DNAH2: variants seen among roughly 807,000 people sequenced by gnomAD.
DNAH2 encodes the protein dynein axonemal heavy chain 2.
Under a neutral mutation model 523.5 loss-of-function variants are expected in DNAH2, and 323 were observed. The observed-to-expected ratio is 0.62, with a 90% confidence interval of 0.56 to 0.68. The LOEUF is 0.68. Among genes scored for constraint, DNAH2 ranks in the 30% least tolerant of loss-of-function variants. The pLI is 0.00. For missense variants in DNAH2, 4,907 were observed against 5,701.5 expected (o/e 0.86, Z 4.49); for synonymous variants, 2,093 against 2,177.4 (o/e 0.96, Z 1.08).
At chr17:7,804,828 A>G in intron 59 of DNAH2, 130 bp from the exon 60 acceptor site, 2 of 759,582 alleles carry the variant, frequency 2.6e-6, no homozygotes, top group East Asian at 2.6e-5. Context: ...CCTGGGCGAA[A>G]GAGCTAGACT....
intron 45 of DNAH2, 90 bp downstream of exon 45, chr17:7,792,159 C>G (rs73977762): frequency 3.1e-6 from 5 of 1,599,778 alleles, no homozygotes; most frequent in Non-Finnish European, 4.3e-6. Context: ...GTTTCCCTCT[C>G]TCTTTCTTCC....
Position 7,760,930 on chromosome 17 carries a change from C to A in DNAH2, c.2976C>A (p.Ala992=). The change falls in exon 18 of 86, where the codon GCC becomes GCA. Residue 992 remains alanine (A), a splice_region_variant and synonymous_variant. Transcript: ENST00000572933. This position sits in a 1 kb window ranked among gnomAD's most constrained non-coding sequence, Gnocchi z 4.0. ...TCTCTTCTTTTGTTGCCGACATTGCCCGGTGAGTGGTGAGGGTGGATTGAA... is the reference window on the plus strand; with the variant it reads ...TCTCTTCTTTTGTTGCCGACATTGCACGGTGAGTGGTGAGGGTGGATTGAA... The part of the protein sequence containing the change: ...PPVSSFVADI[A]RYTEVANNVQ... 1 of 1,613,778 alleles carries A rather than the reference C, an allele frequency of 6.2e-7. No homozygotes were observed. The highest frequency in any genetic ancestry group is 8.5e-7 in the Non-Finnish European group (1 of 1,179,848).
chr17:7,788,410 G>A (rs1052872040), intron 44 of DNAH2, among the ~76,000 whole-genome samples, 166 bp downstream of exon 44: 2 of 152,200 alleles, frequency 1.3e-5, no homozygotes, highest in African/African-American at 4.8e-5. Flanking sequence ...AGGGGTGTGT[G>A]TGTGCATGTC....
At position 7,775,893 on chromosome 17, in the gene DNAH2, C is replaced by T. The variant is rs2076438445; in HGVS notation, c.4822-131C>T. 5 of 1,239,594 alleles carry T rather than the reference C, an allele frequency of 4.0e-6. No individual in the cohort carries two copies. The African/African-American group carries it at 4.5e-5, about 11-fold the overall frequency. The allele number at this position is 1,239,594 out of a possible 1,614,324, so 76.8% of individuals were successfully genotyped here. A position where few individuals can be genotyped will look rare whatever the true frequency, so the allele number is the denominator to read the frequency against. ...CTCCATTTCTCTCAGGAACGCAAGC[C>T]AGCTGTTGGCCATTCCCGCTTTTCT... is the stretch of plus-strand genomic sequence containing the variant. On this transcript the variant is annotated intron_variant, in intron 30 of 85. Transcript: ENST00000572933.
intron 39 of DNAH2, among the ~76,000 whole-genome samples, chr17:7,785,409 A>AT (rs2076708897): frequency 6.6e-6 from 1 of 152,154 alleles, no homozygotes; most frequent in African/African-American, 2.4e-5. Context: ...GGCTGAGAAT[A>AT]TTTTTTAACT....
rs919596556 is a variant in DNAH2, at chr17:7,798,020, C to T, written c.8231-137C>T. 13 of 1,374,288 alleles carry T rather than the reference C, an allele frequency of 9.5e-6. No homozygotes were observed. The highest frequency in any genetic ancestry group is 4.6e-5 in the Admixed American group (2 of 43,662). 85.1% of individuals were successfully genotyped at this position (1,374,288 alleles called of 1,614,324 possible). On this transcript the variant is annotated intron_variant, in intron 53 of 85. Transcript: ENST00000572933. The surrounding 1 kb of genome is among the most constrained non-coding windows in gnomAD (Gnocchi z 5.5). Reference sequence around the variant, plus strand: ...GTTAAAAGTTGAATTGCCTCCTGGGCCTTGGGCACCAACTTCTTCTCATAC... The same window carrying T: ...GTTAAAAGTTGAATTGCCTCCTGGGTCTTGGGCACCAACTTCTTCTCATAC...
chr17:7,740,560 C>T lies in DNAH2; in HGVS notation c.1506+11C>T, dbSNP rs767933647. On this transcript the variant is annotated intron_variant, in intron 10 of 85. Transcript: ENST00000572933. ...CTTGCCTCCCGCGAGGTGCGGCTGC[C>T]CCGCGGCTTCCTCGGCTTCCCGTCC... is the stretch of plus-strand genomic sequence containing the variant. 2 of 1,612,010 alleles carry T rather than the reference C, an allele frequency of 1.2e-6. No homozygotes were observed. Among genetic ancestry groups the T allele is most frequent in the Admixed American group, 1.7e-5 (1 of 59,984 alleles).
intron 12 of DNAH2, among the ~76,000 whole-genome samples, chr17:7,753,285 C>T (rs919200060): frequency 6.6e-6 from 1 of 151,928 alleles, no homozygotes; most frequent in African/African-American, 2.4e-5. Flanking sequence ...GTTTGAGGTG[C>T]TTGTGCACGA....
chr17:7,812,258 A>C (rs1040709650), intron 63 of DNAH2, among the ~76,000 whole-genome samples: 1 of 152,192 alleles, frequency 6.6e-6, no homozygotes, highest in African/African-American at 2.4e-5. Flanking sequence ...ATATGTATAC[A>C]TTCTTTTCTT....
intron 4 of DNAH2, among the ~76,000 whole-genome samples, chr17:7,729,858 C>T (rs2074934783): frequency 2.6e-5 from 4 of 152,334 alleles, no homozygotes; most frequent in Admixed American, 2.0e-4. Flanking sequence ...AACCCTTTCA[C>T]TTTAACTTCC....
chr17:7,725,425 A>AATATATATATATATATATATATATAT (rs71387992), intron 3 of DNAH2, among the ~76,000 whole-genome samples: 1,867 of 124,142 alleles, frequency 0.015, 37 homozygotes, highest in African/African-American at 0.021. Flanking sequence ...ACTTCAAGTG[A>AATATATATATATATATATATATATAT]ATATATATAT....
In DNAH2 at chr17:7,779,353, C is replaced by T. The variant is rs916550481; in HGVS notation, c.5652C>T (p.Thr1884=). The stretch of plus-strand genomic sequence containing the variant: ...TGTCTGCCCTGGCTGCCGGCCTCAC[C>T]CATTTCCATTTTGATGGCTTTGAAA... ...CILSALAAGL[T]HFHFDGFEIN... Residue 1884 remains threonine, a synonymous_variant, in exon 36 of 86, where the codon ACC becomes ACT. Coordinates refer to ENST00000572933, the MANE Select transcript of DNAH2 (RefSeq NM_020877.5). The T allele has an allele frequency of 6.2e-7, 1 of 1,614,098 alleles. No individual in the cohort carries two copies. Among genetic ancestry groups the T allele is most frequent in the South Asian group, 1.1e-5 (1 of 91,064 alleles).
At position 7,804,977 on chromosome 17, in the gene DNAH2, A is replaced by T; in HGVS notation, c.9203A>T (p.Glu3068Val). The part of the protein sequence containing the change: ...EQQKAVTANS[E>V]KIAVEEIKCQ... ...CCCTAGGCCGTAACAGCCAACAGTG[A>T]AAAGATTGCAGTTGAGGAAATCAAG... is the stretch of plus-strand genomic sequence containing the variant. The change falls in exon 60 of 86, where the codon GAA becomes GTA. Residue 3068 changes from glutamate (E) to valine (V), a missense_variant. Physicochemically the swap from Glu to Val is moderately radical, Grantham distance 121. Transcript: ENST00000572933. The T allele has an allele frequency of 6.2e-7, 1 of 1,614,200 alleles. No homozygotes were observed. Among genetic ancestry groups the T allele is most frequent in the Non-Finnish European group, 8.5e-7 (1 of 1,180,028 alleles).
At position 7,807,876 on chromosome 17, in the gene DNAH2, G is replaced by A. The variant is rs1160330984; in HGVS notation, c.9729+290G>A. ...CTCTGTCACACCCTTCGGAGATGGCGCCTGAGATATTAACTGATGACATCT... is the reference window on the plus strand; with the variant it reads ...CTCTGTCACACCCTTCGGAGATGGCACCTGAGATATTAACTGATGACATCT... On this transcript the variant is annotated intron_variant, in intron 63 of 85. Coordinates refer to ENST00000572933, the MANE Select transcript of DNAH2 (RefSeq NM_020877.5). This position sits in a 1 kb window ranked among gnomAD's most constrained non-coding sequence, Gnocchi z 5.6. Among the ~76,000 whole-genome samples the A allele has an allele frequency of 1.3e-5, 2 of 152,184 alleles. No individual in the cohort carries two copies. Among genetic ancestry groups the A allele is most frequent in the Non-Finnish European group, 2.9e-5 (2 of 68,032 alleles).
intron 70 of DNAH2, 36 bp downstream of exon 70, chr17:7,818,812 G>T: frequency 4.3e-6 from 7 of 1,613,070 alleles, no homozygotes; most frequent in Non-Finnish European, 5.9e-6. Flanking sequence ...TGCCCCACGG[G>T]TCTACTCCCA....
chr17:7,778,339 C>T lies in DNAH2; in HGVS notation c.5411C>T (p.Pro1804Leu). The T allele has an allele frequency of 5.0e-6, 8 of 1,614,256 alleles. No individual in the cohort carries two copies. Among genetic ancestry groups the T allele is most frequent in the Non-Finnish European group, 5.1e-6 (6 of 1,180,054 alleles). Residue 1804 changes from proline to leucine, a missense_variant, in exon 35 of 86, where the codon CCT (proline) becomes CTT (leucine). This residue lies in a region of DNAH2 where 2,806 missense variants were observed against 3,190.8 expected (regional missense o/e 0.88). Transcript: ENST00000572933. Reference protein sequence around the residue: ...HLHRGGSPKGPAGTGKTETVK... With the variant: ...HLHRGGSPKGLAGTGKTETVK... Reference sequence around the variant, plus strand: ...CACCGAGGGGGCTCCCCCAAAGGCCCTGCAGGCACAGGCAAGACCGAGACC... The same window carrying T: ...CACCGAGGGGGCTCCCCCAAAGGCCTTGCAGGCACAGGCAAGACCGAGACC...
rs1334237632 is a variant in DNAH2 at position 7,776,888 on chromosome 17, A to T, written c.5057A>T (p.Gln1686Leu). 6.2e-7 allele frequency: 1 copy of T among 1,608,440 alleles called. No individual in the cohort carries two copies. ...KKILKVMKKN[Q>L]VSILNKYSEA... is the part of the protein sequence containing the mutation. Reference sequence around the variant, plus strand: ...ATCCTCAAGGTCATGAAGAAGAACCAGGTGAGAGGCTGGGCGCACTGGCTC... The same window carrying T: ...ATCCTCAAGGTCATGAAGAAGAACCTGGTGAGAGGCTGGGCGCACTGGCTC... The change falls in exon 32 of 86, where the codon CAG (glutamine) becomes CTG (leucine). Residue 1686 changes from glutamine to leucine, a missense_variant and splice_region_variant. Physicochemically the swap from Gln to Leu is moderately radical, Grantham distance 113. Coordinates refer to ENST00000572933, the MANE Select transcript of DNAH2 (RefSeq NM_020877.5).
rs770715334 is a variant in DNAH2, at chr17:7,757,081, T to C, written c.1905-10T>C. On this transcript the variant is annotated splice_polypyrimidine_tract_variant and intron_variant, in intron 12 of 85. Transcript: ENST00000572933. ...CGGTCCCCTCACTGCCTGGCTGCTCTCTCTCAAAGGTCCCTTCTGATTCTC... is the reference window on the plus strand; with the variant it reads ...CGGTCCCCTCACTGCCTGGCTGCTCCCTCTCAAAGGTCCCTTCTGATTCTC... 1.9e-6 allele frequency: 3 copies of C among 1,614,030 alleles called. No homozygotes were observed. Among genetic ancestry groups the C allele is most frequent in the Non-Finnish European group, 2.5e-6 (3 of 1,179,892 alleles).
chr17:7,733,122 A>C lies in DNAH2; in HGVS notation c.435A>C (p.Ala145=). 6.2e-7 allele frequency: 1 copy of C among 1,614,166 alleles called. No individual in the cohort carries two copies. The highest frequency in any genetic ancestry group is 8.5e-7 in the Non-Finnish European group (1 of 1,180,020). Residue 145 remains alanine, a synonymous_variant, in exon 5 of 86, where the codon GCA becomes GCC. Transcript: ENST00000572933. Reference sequence around the variant, plus strand: ...AGCTTGTCTACTTCATTCGCCAAGCACCAGTTCCCATCACCTGGGAGAACT... The same window carrying C: ...AGCTTGTCTACTTCATTCGCCAAGCCCCAGTTCCCATCACCTGGGAGAACT... The part of the protein sequence containing the change: ...QNQLVYFIRQ[A]PVPITWENFE...
Sources: gnomAD v4.1 joint callset for allele counts (sites outside exome capture counted in the v4.1 genomes callset) on GRCh38, gnomAD v4.1.1 for gene constraint, gnomAD v4.1.1 regional missense constraint, Gnocchi (gnomAD v3.1) non-coding constraint, MANE v1.5 for transcripts, NCBI Gene and HGNC (gene_info 2026-07-23, HGNC 2026-07-21) for gene names.